The following FGF10 variants were observed in gnomAD, a reference collection of about 807,000 sequenced individuals.
The protein encoded by FGF10 is fibroblast growth factor 10.
In FGF10, 2 loss-of-function variants were observed where a neutral mutation model predicts 19.8. The observed-to-expected ratio is 0.10, with a 90% CI of 0.04 to 0.32. The LOEUF is 0.32. Among genes scored for constraint, FGF10 ranks in the 10% least tolerant of loss-of-function variants. The pLI is 1.00. For synonymous variants in FGF10, 112 were observed against 94.0 expected (o/e 1.19, Z -1.10); for missense variants, 191 against 246.3 (o/e 0.78, Z 1.50).
At position 44,302,687 on chromosome 5, in the gene FGF10, G is replaced by C. The variant is rs886240331; in HGVS notation, c.*2308C>G. Among the ~76,000 whole-genome samples, 5 of 152,132 alleles carry C rather than the reference G, an allele frequency of 3.3e-5. No individual in the cohort carries two copies. The highest frequency in any genetic ancestry group is 5.9e-5 in the Non-Finnish European group (4 of 68,018). ...GCAGGTTTTTTGTCTTTCTGTGAGG[G>C]AAATGTGGGAGAGACAGGGAGATGT... On this transcript the variant is annotated 3_prime_UTR_variant, in exon 3 of 3. Coordinates refer to ENST00000264664, the MANE Select transcript of FGF10 (RefSeq NM_004465.2).
Position 44,304,808 on chromosome 5 carries a change from A to G in FGF10, c.*187T>C, listed in dbSNP as rs563030636. Reference sequence around the variant, plus strand: ...ATATCTTGATTATAAGACATGACACAGAACTAATTAAAAGAACATCATATG... The same window carrying G: ...ATATCTTGATTATAAGACATGACACGGAACTAATTAAAAGAACATCATATG... On this transcript the variant is annotated 3_prime_UTR_variant, in exon 3 of 3. Transcript: ENST00000264664. The G allele has an allele frequency of 1.9e-4, 120 of 617,326 alleles. 1 individual carries two copies. The East Asian group carries it at 3.4e-3, about 17-fold the overall frequency. 38.2% of individuals were successfully genotyped at this position (617,326 alleles called of 1,614,324 possible).
intron 1 of FGF10, among the ~76,000 whole-genome samples, chr5:44,328,858 T>C (rs1740669454): frequency 6.6e-6 from 1 of 152,122 alleles, no homozygotes; most frequent in African/African-American, 2.4e-5. Context: ...ATTATCTGGG[T>C]ATGGCAGCGC....
intron 1 of FGF10, among the ~76,000 whole-genome samples, chr5:44,365,472 T>C (rs771513203): frequency 1.3e-5 from 2 of 151,938 alleles, no homozygotes; most frequent in African/African-American, 2.4e-5. Context: ...AACCTTCTTC[T>C]TGCACCTCCC....
At chr5:44,381,103 A>C (rs1437885688) in intron 1 of FGF10, among the ~76,000 whole-genome samples, 1 of 152,190 alleles carries the variant, frequency 6.6e-6, no homozygotes, top group Non-Finnish European at 1.5e-5. Flanking sequence ...GCAAAAATTT[A>C]ACTTGGAGGA....
intron 1 of FGF10, among the ~76,000 whole-genome samples, chr5:44,376,503 AAAAAAAAAAAAAAAC>A (rs902704894): frequency 3.8e-5 from 5 of 132,134 alleles, no homozygotes; most frequent in African/African-American, 6.4e-5. Context: ...AAAAAAAAAA[AAAAAAAAAAAAAAAC>A]AAAAAACCCA....
intron 1 of FGF10, among the ~76,000 whole-genome samples, chr5:44,372,811 A>C (rs1741770524): frequency 6.6e-6 from 1 of 152,216 alleles, no homozygotes; most frequent in African/African-American, 2.4e-5. Flanking sequence ...ACTGGTCCCA[A>C]GCAATTTCAA....
At chr5:44,372,420 C>T (rs1561218045) in intron 1 of FGF10, among the ~76,000 whole-genome samples, 1 of 152,138 alleles carries the variant, frequency 6.6e-6, no homozygotes. Context: ...GGATAATCTC[C>T]TCATCTCAAA....
Position 44,310,539 on chromosome 5 carries a change from T to C in FGF10, c.326-9A>G, listed in dbSNP as rs764576422. 6.3e-7 allele frequency: 1 copy of C among 1,586,994 alleles called. No homozygotes were observed. Reference sequence around the variant, plus strand: ...TGTTATCTCCAGGATGCCTAAAACATACAATTTTAAAAGGCTAAATAAAGA... The same window carrying C: ...TGTTATCTCCAGGATGCCTAAAACACACAATTTTAAAAGGCTAAATAAAGA... On this transcript the variant is annotated splice_polypyrimidine_tract_variant and intron_variant, in intron 1 of 2. Transcript: ENST00000264664.
intron 1 of FGF10, among the ~76,000 whole-genome samples, chr5:44,328,088 T>G (rs1368575407): frequency 6.6e-6 from 1 of 152,182 alleles, no homozygotes; most frequent in Non-Finnish European, 1.5e-5. Context: ...TTTTGTTTTG[T>G]TTTTTTCCTT....
intron 1 of FGF10, among the ~76,000 whole-genome samples, chr5:44,382,493 G>A (rs181543851): frequency 2.6e-5 from 4 of 152,134 alleles, no homozygotes; most frequent in East Asian, 1.9e-4. Flanking sequence ...ATTTCCTTTC[G>A]CAAATTTTAA....
At chr5:44,318,082 CA>C (rs1168401046) in intron 1 of FGF10, among the ~76,000 whole-genome samples, 5 of 151,852 alleles carry the variant, frequency 3.3e-5, no homozygotes, top group African/African-American at 1.2e-4. Context: ...AGCAAACAAA[CA>C]AAAAAACAAC....
At chr5:44,350,682 AATG>A (rs1209570325) in intron 1 of FGF10, among the ~76,000 whole-genome samples, 1 of 151,110 alleles carries the variant, frequency 6.6e-6, no homozygotes, top group Admixed American at 6.6e-5. Flanking sequence ...TCCAATTTAA[AATG>A]ATGTATCAAA....
At chr5:44,362,288 C>G (rs983643262) in intron 1 of FGF10, among the ~76,000 whole-genome samples, 6 of 151,642 alleles carry the variant, frequency 4.0e-5, no homozygotes, top group Admixed American at 4.0e-4. Flanking sequence ...ATCTTTTATC[C>G]TTTGCTAAAG....
intron 1 of FGF10, among the ~76,000 whole-genome samples, chr5:44,339,937 C>T (rs2111784933): frequency 6.6e-6 from 1 of 152,196 alleles, no homozygotes; most frequent in Middle Eastern, 3.4e-3. Context: ...TTTCTTTCTC[C>T]ACTATTTGGT....
chr5:44,349,062 T>C (rs1335568134), intron 1 of FGF10, among the ~76,000 whole-genome samples: 1 of 151,426 alleles, frequency 6.6e-6, no homozygotes, highest in African/African-American at 2.4e-5. Flanking sequence ...CATTTGCAGC[T>C]AAAAAGAGAC....
At chr5:44,385,259 C>T (rs1376457607) in intron 1 of FGF10, among the ~76,000 whole-genome samples, 1 of 151,986 alleles carries the variant, frequency 6.6e-6, no homozygotes, top group Admixed American at 6.6e-5. Flanking sequence ...AAAGTATAGC[C>T]CCCCACCCTC....
intron 1 of FGF10, among the ~76,000 whole-genome samples, chr5:44,326,213 A>G (rs1740611297): frequency 6.6e-6 from 1 of 152,182 alleles, no homozygotes; most frequent in East Asian, 1.9e-4. Flanking sequence ...TGTGTAGCTG[A>G]GCCTATTTCT....
chr5:44,359,836 T>C (rs1741434333), intron 1 of FGF10, among the ~76,000 whole-genome samples: 1 of 151,408 alleles, frequency 6.6e-6, no homozygotes, highest in Non-Finnish European at 1.5e-5. Flanking sequence ...CATCATCCAC[T>C]CCAACTTTCA....
In FGF10 at chr5:44,375,923, T is replaced by G. The variant is rs182671861; in HGVS notation, c.325+12435A>C. Among the ~76,000 whole-genome samples the G allele has an allele frequency of 8.6e-4, 131 of 152,266 alleles. 1 individual carries two copies. Among genetic ancestry groups the G allele is most frequent in the Non-Finnish European group, 4.0e-4 (27 of 68,014 alleles). Reference sequence around the variant, plus strand: ...TTCTCATCTAAACATAGTATGGGTATAACAACGATGATCTTACCCATATTA... The same window carrying G: ...TTCTCATCTAAACATAGTATGGGTAGAACAACGATGATCTTACCCATATTA... On this transcript the variant is annotated intron_variant, in intron 1 of 2. Transcript: ENST00000264664.
Sources: allele counts gnomAD v4.1 joint callset (sites outside exome capture counted in the v4.1 genomes callset), GRCh38; gene constraint gnomAD v4.1.1; transcripts MANE v1.5; gene names NCBI Gene and HGNC (gene_info 2026-07-23, HGNC 2026-07-21).